The following SULT6B1 variants were observed in gnomAD, a reference collection of about 807,000 sequenced individuals.
The protein encoded by SULT6B1 is sulfotransferase 6B1.
In SULT6B1, 44 loss-of-function variants were observed where a neutral mutation model predicts 37.2. The observed-to-expected ratio is 1.18, with a 90% CI of 0.93 to 1.52. The LOEUF (loss-of-function observed/expected upper bound fraction) is 1.52, where lower values mean the gene tolerates loss of function less well. Ranked by LOEUF, SULT6B1 falls within the 40% of genes most tolerant of loss-of-function variation. The pLI, the probability that SULT6B1 is intolerant of heterozygous loss-of-function variation, is 0.00. For missense variants in SULT6B1, 450 were observed against 361.0 expected (o/e 1.25, Z -2.00); for synonymous variants, 140 against 126.0 (o/e 1.11, Z -0.74).
chr2:37,182,189 T>A (rs188882803), intron 3 of SULT6B1, among the ~76,000 whole-genome samples: 2 of 152,268 alleles, frequency 1.3e-5, no homozygotes, highest in East Asian at 3.9e-4. Context: ...TTTCCTGTTG[T>A]GCCTTTCTTT....
chr2:37,170,694 T>G (rs1021670649), intron 6 of SULT6B1, among the ~76,000 whole-genome samples: 1 of 138,762 alleles, frequency 7.2e-6, no homozygotes, highest in African/African-American at 2.8e-5. Context: ...GCCAAGATTG[T>G]GCCACTGCAT....
intron 4 of SULT6B1, among the ~76,000 whole-genome samples, chr2:37,177,556 G>C (rs116735847): frequency 2.6e-5 from 4 of 152,078 alleles, no homozygotes. Context: ...GCAGAAAATA[G>C]GGAGACAGAA....
Position 37,168,036 on chromosome 2 carries a change from T to C in SULT6B1, c.811A>G (p.Ser271Gly), listed in dbSNP as rs2148281686. The stretch of plus-strand genomic sequence containing the variant: ...TCCATTTCCTGGTTCTGAATTTCAC[T>C]GAACAAATTTTTCCAATCACCAACT... ...GEVGDWKNLF[S>G]EIQNQEMDEK... The change falls in exon 7 of 7, where the codon AGT (serine) becomes GGT (glycine). Residue 271 changes from serine to glycine, a missense_variant. Physicochemically the swap from Ser to Gly is moderately conservative, Grantham distance 56. Transcript: ENST00000535679. 4 of 1,595,884 alleles carry C rather than the reference T, an allele frequency of 2.5e-6. No homozygotes were observed. The highest frequency in any genetic ancestry group is 3.4e-6 in the Non-Finnish European group (4 of 1,175,748).
intron 5 of SULT6B1, among the ~76,000 whole-genome samples, chr2:37,173,347 T>G (rs1676346156): frequency 6.6e-6 from 1 of 152,166 alleles, no homozygotes; most frequent in African/African-American, 2.4e-5. Context: ...CTCTTTAAAT[T>G]GGTGGGCTCC....
At chr2:37,182,756 C>A (rs894265835) in intron 3 of SULT6B1, among the ~76,000 whole-genome samples, 1 of 152,132 alleles carries the variant, frequency 6.6e-6, no homozygotes, top group Non-Finnish European at 1.5e-5. Flanking sequence ...TGGGTAAAAA[C>A]TAGTAATTAC....
chr2:37,190,309 G>T (rs745907741), upstream of SULT6B1, among the ~76,000 whole-genome samples: 4 of 152,038 alleles, frequency 2.6e-5, no homozygotes, highest in Non-Finnish European at 2.9e-5. Flanking sequence ...TTCTAAGAAG[G>T]TAATTTTTTT....
chr2:37,173,056 T>A (rs943760539), intron 5 of SULT6B1, among the ~76,000 whole-genome samples: 7 of 151,382 alleles, frequency 4.6e-5, no homozygotes, highest in African/African-American at 1.7e-4. Flanking sequence ...TTTCACTGTG[T>A]TGGTCAGGCT....
Position 37,175,140 on chromosome 2 carries a change from G to T in SULT6B1, c.616C>A (p.Leu206Met). ...DNVKFILYEDLKENLAAGIKQ... is the reference protein window; with the variant it reads ...DNVKFILYEDMKENLAAGIKQ... The stretch of plus-strand genomic sequence containing the variant: ...ATCAATAATAATCTCACCTCTTTCA[G>T]GTCTTCATATAATATGAACTTAACA... The change falls in exon 5 of 7, where the codon CTG becomes ATG. Residue 206 changes from leucine (L) to methionine (M), a missense_variant. Transcript: ENST00000535679. 1 of 1,539,480 alleles carries T rather than the reference G, an allele frequency of 6.5e-7. No individual in the cohort carries two copies. The highest frequency in any genetic ancestry group is 1.9e-5 in the Admixed American group (1 of 52,430).
At chr2:37,187,066 T>C (rs531327104) in intron 2 of SULT6B1, among the ~76,000 whole-genome samples, 24 of 152,326 alleles carry the variant, frequency 1.6e-4, no homozygotes, top group African/African-American at 5.5e-4. Context: ...ACAGTATAGT[T>C]GTTAAAAGCT....
chr2:37,168,525 C>G (rs1453896982), intron 6 of SULT6B1, among the ~76,000 whole-genome samples: 1 of 152,160 alleles, frequency 6.6e-6, no homozygotes, highest in Non-Finnish European at 1.5e-5. Flanking sequence ...TGGGACTCCA[C>G]CATCTGTGGT....
At chr2:37,170,399 G>A (rs575566272) in intron 6 of SULT6B1, among the ~76,000 whole-genome samples, 5 of 152,120 alleles carry the variant, frequency 3.3e-5, no homozygotes, top group South Asian at 4.1e-4. Flanking sequence ...CCTGTGAGGC[G>A]GAGGTTGCCG....
At chr2:37,174,233 T>A (rs1676365852) in intron 5 of SULT6B1, among the ~76,000 whole-genome samples, 1 of 133,480 alleles carries the variant, frequency 7.5e-6, no homozygotes, top group African/African-American at 2.7e-5. Context: ...TATTCTTTTT[T>A]TTTTTTTTTT....
At chr2:37,188,418 T>C (rs758491836) in intron 1 of SULT6B1, 24 bp downstream of exon 1, 1 of 1,599,434 alleles carries the variant, frequency 6.3e-7, no homozygotes, top group South Asian at 1.1e-5. Flanking sequence ...GAAGTGTACT[T>C]GTAGGAAACG....
chr2:37,171,341 C>T (rs1488970891), intron 6 of SULT6B1, 93 bp downstream of exon 6: 8 of 1,460,268 alleles, frequency 5.5e-6, no homozygotes, highest in African/African-American at 1.4e-5. Flanking sequence ...AAATAAAACC[C>T]TATCTGACTT....
At chr2:37,186,972 T>C (rs1033577624) in intron 2 of SULT6B1, among the ~76,000 whole-genome samples, 2 of 152,208 alleles carry the variant, frequency 1.3e-5, no homozygotes, top group African/African-American at 4.8e-5. Flanking sequence ...TCTTCAGAGA[T>C]GAGACTTTTC....
intron 6 of SULT6B1, among the ~76,000 whole-genome samples, chr2:37,171,143 G>C (rs1676287988): frequency 6.6e-6 from 1 of 151,916 alleles, no homozygotes; most frequent in African/African-American, 2.4e-5. Flanking sequence ...GGGAGGCTGA[G>C]GCAGGAGAAT....
rs553965291 is a variant in SULT6B1, at chr2:37,169,654, C to T, written c.782-1589G>A. Among the ~76,000 whole-genome samples the T allele has an allele frequency of 2.0e-3, 308 of 152,070 alleles. 2 individuals carry two copies. The highest frequency in any genetic ancestry group is 6.0e-3 in the African/African-American group (249 of 41,500). On this transcript the variant is annotated intron_variant, in intron 6 of 6. Coordinates refer to ENST00000535679, the MANE Select transcript of SULT6B1 (RefSeq NM_001367551.1). Reference sequence around the variant, plus strand: ...CAGGCGCCCGCCACCACGTCCAGCCCGAGCTAATTTTTATATTTTTGGTAG... The same window carrying T: ...CAGGCGCCCGCCACCACGTCCAGCCTGAGCTAATTTTTATATTTTTGGTAG...
At chr2:37,183,614 G>A in intron 2 of SULT6B1, 100 bp from the exon 3 acceptor site, 1 of 838,626 alleles carries the variant, frequency 1.2e-6, no homozygotes, top group Non-Finnish European at 2.0e-6. Flanking sequence ...ATAGTTTCTA[G>A]CACTACTGTC....
At chr2:37,169,535 G>C in intron 6 of SULT6B1, among the ~76,000 whole-genome samples, 1 of 152,094 alleles carries the variant, frequency 6.6e-6, no homozygotes. Context: ...TGTCACCCAG[G>C]CTGGAGTGCA....
Sources: gnomAD v4.1 joint callset for allele counts (sites outside exome capture counted in the v4.1 genomes callset) on GRCh38, gnomAD v4.1.1 for gene constraint, MANE v1.5 for transcripts, NCBI Gene and HGNC (gene_info 2026-07-23, HGNC 2026-07-21) for gene names.